Variants in CELF5 observed in about 807,000 individuals in gnomAD.
CELF5 encodes CUGBP Elav-like family member 5.
In CELF5, 6 loss-of-function variants were observed where a neutral mutation model predicts 54.9. The observed-to-expected ratio is 0.11, with a 90% CI of 0.06 to 0.22. The LOEUF (loss-of-function observed/expected upper bound fraction) is 0.22. Among genes scored for constraint, CELF5 ranks in the 10% least tolerant of loss-of-function variants. The probability of loss-of-function intolerance (pLI) is 1.00; values close to 1 mark genes in which losing one functional copy is unlikely to be tolerated. For synonymous variants in CELF5, 271 were observed against 290.9 expected, an observed-to-expected ratio of 0.93 and a Z score of 0.70; for missense variants, 401 against 678.6, an observed-to-expected ratio of 0.59 and a Z score of 4.54.
At chr19:3,286,139 C>A in intron 10 of CELF5, 114 bp downstream of exon 10, 1 of 931,744 alleles carries the variant, frequency 1.1e-6, no homozygotes, top group South Asian at 1.9e-5. Context: ...GAGAGTGCGG[C>A]CTGGGGGCTG....
chr19:3,251,694 A>G (rs1275048584), intron 2 of CELF5, among the ~76,000 whole-genome samples: 2 of 99,598 alleles, frequency 2.0e-5, no homozygotes, highest in Admixed American at 3.2e-4. Flanking sequence ...GTTGTTGTTG[A>G]GATGGAGTCT....
Position 3,236,614 on chromosome 19 carries a change from C to T in CELF5, c.259+11616C>T, listed in dbSNP as rs923394663. Reference sequence around the variant, plus strand: ...AATGTATTCCCTGTCTCTGTTTCCCCACCACCATCGGTGCATCGTAGGTGC... The same window carrying T: ...AATGTATTCCCTGTCTCTGTTTCCCTACCACCATCGGTGCATCGTAGGTGC... On this transcript the variant is annotated intron_variant, in intron 1 of 12. Coordinates refer to ENST00000292672, the MANE Select transcript of CELF5 (RefSeq NM_021938.4). Among the ~76,000 whole-genome samples the T allele has an allele frequency of 3.3e-5, 5 of 152,226 alleles. No homozygotes were observed. The East Asian group carries it at 9.6e-4, about 29-fold the overall frequency.
intron 2 of CELF5, among the ~76,000 whole-genome samples, chr19:3,258,167 A>G (rs1158215267): frequency 1.3e-5 from 2 of 152,024 alleles, no homozygotes; most frequent in Non-Finnish European, 2.9e-5. Context: ...CATGTTGGCC[A>G]GACTGGTCTC....
At chr19:3,241,137 C>T (rs942934731) in intron 1 of CELF5, among the ~76,000 whole-genome samples, 1 of 151,568 alleles carries the variant, frequency 6.6e-6, no homozygotes, top group Admixed American at 6.6e-5. Context: ...TCTTGGCTCA[C>T]TGCACCCACC....
intron 5 of CELF5, among the ~76,000 whole-genome samples, chr19:3,280,818 C>T (rs2080137220): frequency 6.6e-6 from 1 of 152,132 alleles, no homozygotes; most frequent in African/African-American, 2.4e-5. Context: ...CACTGTTTTC[C>T]TTCGGAAGCT....
At chr19:3,265,345 G>T (rs1444140740) in intron 2 of CELF5, among the ~76,000 whole-genome samples, 1 of 152,142 alleles carries the variant, frequency 6.6e-6, no homozygotes, top group Non-Finnish European at 1.5e-5. Flanking sequence ...ACCTGGGAAA[G>T]AATTCAAGGG....
At position 3,251,065 on chromosome 19, in the gene CELF5, G is replaced by A. The variant is rs781765558; in HGVS notation, c.340G>A (p.Gly114Arg). 3.1e-6 allele frequency: 5 copies of A among 1,613,222 alleles called. No homozygotes were observed. The highest frequency in any genetic ancestry group is 4.2e-6 in the Non-Finnish European group (5 of 1,179,360). ...CCTGCACGAGCAGAAGACCTTGCCC[G>A]GAGTGAGTCCTGTGTGGTGTCTGGG... ...TALHEQKTLP[G>R]MARPIQVKPA... Residue 114 changes from glycine to arginine, a missense_variant and splice_region_variant, in exon 2 of 13, where the codon GGA (glycine) becomes AGA (arginine). This residue lies in a region of CELF5 where 66 missense variants were observed against 132.3 expected (regional missense o/e 0.50). Coordinates refer to ENST00000292672, the MANE Select transcript of CELF5 (RefSeq NM_021938.4).
chr19:3,269,013 G>A (rs762906016), intron 2 of CELF5, among the ~76,000 whole-genome samples: 1 of 152,106 alleles, frequency 6.6e-6, no homozygotes, highest in Non-Finnish European at 1.5e-5. Flanking sequence ...CCACAGCAGC[G>A]TTTAGAGCAG....
intron 1 of CELF5, among the ~76,000 whole-genome samples, chr19:3,249,961 C>G (rs1211854640): frequency 6.6e-6 from 1 of 152,160 alleles, no homozygotes; most frequent in African/African-American, 2.4e-5. Context: ...CTCAGCATCT[C>G]TTTTCTGAGC....
chr19:3,272,371 A>G (rs1167009048), intron 2 of CELF5, among the ~76,000 whole-genome samples: 2 of 146,998 alleles, frequency 1.4e-5, no homozygotes, highest in Non-Finnish European at 3.0e-5. Context: ...CCGTCCCAAG[A>G]AAAAAAAAGA....
intron 1 of CELF5, among the ~76,000 whole-genome samples, chr19:3,245,922 A>C (rs1599406574): frequency 6.6e-6 from 1 of 152,320 alleles, no homozygotes; most frequent in East Asian, 1.9e-4. Flanking sequence ...GGTTGGCAAA[A>C]ACCAAGCATT....
At chr19:3,277,975 C>A in intron 4 of CELF5, 56 bp from the exon 5 acceptor site, 1 of 1,438,904 alleles carries the variant, frequency 6.9e-7, no homozygotes, top group African/African-American at 1.4e-5. Flanking sequence ...GTGGCCCCCG[C>A]TCAGCCAGTC....
chr19:3,281,112 A>G lies in CELF5; in HGVS notation c.604-87A>G. 1 of 1,473,548 alleles carries G rather than the reference A, an allele frequency of 6.8e-7. No individual in the cohort carries two copies. 91.3% of individuals were successfully genotyped at this position (1,473,548 alleles called of 1,614,324 possible). ...ACTGGCATTACACCCCTCACCCAGG[A>G]GGCCTGAGCTAACATGAATCCAGGG... On this transcript the variant is annotated intron_variant, in intron 5 of 12. Transcript: ENST00000292672. The surrounding 1 kb of genome is among the most constrained non-coding windows in gnomAD (Gnocchi z 6.5).
chr19:3,277,004 A>G (rs577731812), intron 4 of CELF5, among the ~76,000 whole-genome samples: 5 of 152,144 alleles, frequency 3.3e-5, no homozygotes, highest in Non-Finnish European at 5.9e-5. Flanking sequence ...CATATGACTG[A>G]CTGGTGGTCT....
intron 2 of CELF5, among the ~76,000 whole-genome samples, chr19:3,266,653 G>A (rs2079886159): frequency 6.6e-6 from 1 of 152,226 alleles, no homozygotes; most frequent in Admixed American, 6.5e-5. Context: ...TCTCTCAAGT[G>A]TATCCCCAGG....
chr19:3,274,634 C>G (rs1481848067), intron 3 of CELF5, among the ~76,000 whole-genome samples: 1 of 152,206 alleles, frequency 6.6e-6, no homozygotes, highest in Non-Finnish European at 1.5e-5. Context: ...TGGGGGCATA[C>G]TCAGCTGTTC....
intron 11 of CELF5, among the ~76,000 whole-genome samples, chr19:3,291,667 G>A (rs575144439): frequency 1.6e-4 from 25 of 151,688 alleles, no homozygotes; most frequent in African/African-American, 5.8e-4. Flanking sequence ...AACAGCCCAT[G>A]CAAAGACCCC....
At chr19:3,251,172 C>T (rs112461536) in intron 2 of CELF5, 105 bp downstream of exon 2, 26 of 823,206 alleles carry the variant, frequency 3.2e-5, no homozygotes, top group Admixed American at 4.3e-5. Flanking sequence ...CTGTGTGTCT[C>T]GGGACTCAGA....
chr19:3,260,723 C>T (rs1268901815), intron 2 of CELF5, among the ~76,000 whole-genome samples: 3 of 149,694 alleles, frequency 2.0e-5, no homozygotes, highest in African/African-American at 4.9e-5. Flanking sequence ...CCCAGGTTCA[C>T]GCCATTCTCC....
Sources: allele counts gnomAD v4.1 joint callset (sites outside exome capture counted in the v4.1 genomes callset), GRCh38; gene constraint gnomAD v4.1.1; regional missense constraint gnomAD v4.1.1; non-coding constraint Gnocchi (gnomAD v3.1); transcripts MANE v1.5; gene names NCBI Gene and HGNC (gene_info 2026-07-23, HGNC 2026-07-21).